Variants in SNTG1 observed in about 807,000 individuals in gnomAD.
SNTG1 encodes syntrophin gamma 1.
Under a neutral mutation model 74.7 loss-of-function variants are expected in SNTG1, and 39 were observed. The ratio of observed to expected loss-of-function variants is 0.52; its 90% CI spans 0.40 to 0.68. The LOEUF (loss-of-function observed/expected upper bound fraction) is 0.68. Ranked by LOEUF, SNTG1 falls within the 30% of genes least tolerant of loss-of-function variation. The pLI is 0.00. For synonymous variants in SNTG1, 254 were observed against 217.1 expected (o/e 1.17, Z -1.49); for missense variants, 685 against 609.5 (o/e 1.12, Z -1.30).
chr8:50,110,883 AATATAGG>A (rs2080558988), intron 1 of SNTG1, among the ~76,000 whole-genome samples: 1 of 152,178 alleles, frequency 6.6e-6, no homozygotes, highest in South Asian at 2.1e-4. Context: ...AGCATATAAA[AATATAGG>A]ATGCTTACAT....
intron 1 of SNTG1, among the ~76,000 whole-genome samples, chr8:50,101,960 G>A (rs2080146520): frequency 6.6e-6 from 1 of 151,956 alleles, no homozygotes; most frequent in African/African-American, 2.4e-5. Flanking sequence ...GTCTATCATT[G>A]TTGGATATTT....
intron 9 of SNTG1, among the ~76,000 whole-genome samples, chr8:50,520,335 A>G (rs1475952656): frequency 4.6e-5 from 7 of 152,196 alleles, no homozygotes. Flanking sequence ...AACCATAAAA[A>G]CCCTTGAAGA....
intron 18 of SNTG1, among the ~76,000 whole-genome samples, chr8:50,765,082 G>A (rs1324121095): frequency 1.3e-5 from 2 of 151,948 alleles, no homozygotes; most frequent in Non-Finnish European, 2.9e-5. Flanking sequence ...AAGAGAAGTA[G>A]TATTTACAGA....
intron 1 of SNTG1, among the ~76,000 whole-genome samples, chr8:50,071,922 A>G (rs1467801612): frequency 6.6e-6 from 1 of 151,840 alleles, no homozygotes; most frequent in Admixed American, 6.6e-5. Flanking sequence ...TAAAAATGTT[A>G]AGAGCTGATT....
intron 2 of SNTG1, among the ~76,000 whole-genome samples, chr8:50,249,081 A>C (rs1161788793): frequency 1.3e-5 from 2 of 152,100 alleles, no homozygotes; most frequent in Non-Finnish European, 2.9e-5. Context: ...CAGATCACAG[A>C]CAGGAGAAAC....
At chr8:50,370,776 G>A (rs1027683660) in intron 2 of SNTG1, among the ~76,000 whole-genome samples, 7 of 151,976 alleles carry the variant, frequency 4.6e-5, no homozygotes, top group Admixed American at 2.6e-4. Context: ...TATGACCCAT[G>A]AGGAGGTGCA....
At chr8:50,761,817 G>T (rs2095599770) in intron 18 of SNTG1, among the ~76,000 whole-genome samples, 1 of 151,868 alleles carries the variant, frequency 6.6e-6, no homozygotes. Flanking sequence ...GACTTAGATT[G>T]TGAAGAATTC....
At chr8:50,247,093 T>C (rs561675866) in intron 2 of SNTG1, among the ~76,000 whole-genome samples, 137 of 152,294 alleles carry the variant, frequency 9.0e-4, no homozygotes, top group African/African-American at 3.2e-3. Flanking sequence ...CCTATTAAGG[T>C]GTTGGCTATT....
At position 50,397,652 on chromosome 8, in the gene SNTG1, A is replaced by C. The variant is rs1442603133; in HGVS notation, c.27+3387A>C. 1.2e-4 allele frequency among the ~76,000 whole-genome samples: 18 copies of C among 152,210 alleles called. 1 individual carries two copies. Among genetic ancestry groups the C allele is most frequent in the Admixed American group, 1.0e-3 (16 of 15,290 alleles). On this transcript the variant is annotated intron_variant, in intron 3 of 18. Coordinates refer to ENST00000642720, the MANE Select transcript of SNTG1 (RefSeq NM_018967.5). ...GCTTCAAGATTATGTTGTTCTTTTC[A>C]AAATTATCCACACCCCATTAGGAGA...
Position 50,153,479 on chromosome 8 carries a change from T to G in SNTG1, c.-102-19082T>G, listed in dbSNP as rs571254446. Among the ~76,000 whole-genome samples the G allele has an allele frequency of 4.6e-5, 7 of 152,344 alleles. No individual in the cohort carries two copies. The South Asian group carries it at 1.5e-3, about 32-fold the overall frequency. ...TTCCTTTGGAGGGGGAGAGGTACTCTGATTTTTAGAATTTTCAGCTTTTCT... is the reference window on the plus strand; with the variant it reads ...TTCCTTTGGAGGGGGAGAGGTACTCGGATTTTTAGAATTTTCAGCTTTTCT... On this transcript the variant is annotated intron_variant, in intron 1 of 18. Coordinates refer to ENST00000642720, the MANE Select transcript of SNTG1 (RefSeq NM_018967.5).
chr8:49,953,556 TTTTAA>T (rs1809911776), intron 1 of SNTG1, among the ~76,000 whole-genome samples: 1 of 152,206 alleles, frequency 6.6e-6, no homozygotes, highest in Admixed American at 6.5e-5. Context: ...GAGTAAAATA[TTTTAA>T]TTTAAGATTA....
intron 10 of SNTG1, among the ~76,000 whole-genome samples, chr8:50,530,647 AT>A (rs1201545313): frequency 6.6e-6 from 1 of 152,074 alleles, no homozygotes; most frequent in East Asian, 1.9e-4. Flanking sequence ...ATTTGTTAGG[AT>A]TTTTTTAGCC....
At chr8:50,733,966 T>C (rs2095519284) in intron 17 of SNTG1, among the ~76,000 whole-genome samples, 1 of 151,888 alleles carries the variant, frequency 6.6e-6, no homozygotes, top group African/African-American at 2.4e-5. Flanking sequence ...AAAAATTCAC[T>C]TATATAATTC....
At chr8:50,164,371 C>T (rs949689967) in intron 1 of SNTG1, 6 of 152,118 alleles carry the variant, frequency 3.9e-5, no homozygotes, top group African/African-American at 1.2e-4. Context: ...ACTGGCAATT[C>T]TCCATTGACA....
intron 1 of SNTG1, among the ~76,000 whole-genome samples, chr8:49,940,505 A>G (rs1322935351): frequency 6.6e-6 from 1 of 152,202 alleles, no homozygotes; most frequent in Non-Finnish European, 1.5e-5. Context: ...ATGTAAAAAA[A>G]TCCTTTATTT....
At position 50,793,000 on chromosome 8, in the gene SNTG1, A is replaced by G. The variant is rs532721154; in HGVS notation, c.*171A>G. The G allele has an allele frequency of 4.5e-4, 254 of 567,970 alleles. No individual in the cohort carries two copies. Among genetic ancestry groups the G allele is most frequent in the Non-Finnish European group, 5.7e-4 (197 of 346,520 alleles). The allele number at this position is 567,970 out of a possible 1,614,324, so 35.2% of individuals were successfully genotyped here. A position where few individuals can be genotyped will look rare whatever the true frequency, so the allele number is the denominator to read the frequency against. Reference sequence around the variant, plus strand: ...AACCTCAAAAACACTTCTATTCTGGATGACATCTGTGAAATATACTACATG... The same window carrying G: ...AACCTCAAAAACACTTCTATTCTGGGTGACATCTGTGAAATATACTACATG... On this transcript the variant is annotated 3_prime_UTR_variant, in exon 19 of 19. Transcript: ENST00000642720.
intron 2 of SNTG1, among the ~76,000 whole-genome samples, chr8:50,255,987 T>C (rs183026715): frequency 3.9e-5 from 6 of 152,326 alleles, no homozygotes; most frequent in Admixed American, 1.3e-4. Flanking sequence ...AGTGTTATGA[T>C]AGACCACCTC....
At chr8:50,741,088 A>G (rs1001717944) in intron 17 of SNTG1, among the ~76,000 whole-genome samples, 8 of 152,046 alleles carry the variant, frequency 5.3e-5, no homozygotes, top group Non-Finnish European at 1.0e-4. Context: ...AAACTCCTCC[A>G]TGATGTAAGT....
chr8:50,634,469 A>C (rs1422356838), intron 13 of SNTG1, among the ~76,000 whole-genome samples: 1 of 152,172 alleles, frequency 6.6e-6, no homozygotes, highest in Non-Finnish European at 1.5e-5. Context: ...TTATCTTATT[A>C]AGTCAGTTTT....
Sources: allele counts gnomAD v4.1 joint callset (sites outside exome capture counted in the v4.1 genomes callset), GRCh38; gene constraint gnomAD v4.1.1; transcripts MANE v1.5; gene names NCBI Gene and HGNC (gene_info 2026-07-23, HGNC 2026-07-21).